The following FGF14 variants were observed in gnomAD, a reference collection of about 807,000 sequenced individuals.
FGF14 encodes the protein fibroblast growth factor 14, also known as fibroblast growth factor homologous factor 4.
A neutral mutation model predicts 25.5 loss-of-function variants in FGF14; 5 were observed. The ratio of observed to expected loss-of-function variants is 0.20; its 90% confidence interval spans 0.10 to 0.41. FGF14 has a LOEUF of 0.41. Ranked by LOEUF, FGF14 falls within the 10% of genes least tolerant of loss-of-function variation. The probability of loss-of-function intolerance (pLI) is 1.00; values close to 1 mark genes in which losing one functional copy is unlikely to be tolerated. For synonymous variants in FGF14, 138 were observed against 118.3 expected (o/e 1.17, Z -1.08); for missense variants, 222 against 320.1 (o/e 0.69, Z 2.34).
chr13:101,742,774 T>C (rs1043715931), intron 3 of FGF14, among the ~76,000 whole-genome samples: 1 of 152,056 alleles, frequency 6.6e-6, no homozygotes, highest in African/African-American at 2.4e-5. Flanking sequence ...CTAAATAAGA[T>C]AGTTACAAAG....
chr13:101,775,796 A>G (rs375508155), intron 3 of FGF14, among the ~76,000 whole-genome samples: 8 of 152,260 alleles, frequency 5.3e-5, no homozygotes, highest in East Asian at 1.9e-4. Context: ...TTCATTTGAT[A>G]TTAATAGTTA....
At chr13:102,292,902 T>C (rs1594754393) in intron 1 of FGF14, 1 of 152,214 alleles carries the variant, frequency 6.6e-6, no homozygotes, top group Admixed American at 6.5e-5. Context: ...CACAGCACTT[T>C]GTGCAGGAAC....
rs77082831 is a variant in FGF14 at position 101,726,738 on chromosome 13, A to T, written c.481T>A (p.Leu161Met). The T allele has an allele frequency of 1.2e-6, 2 of 1,613,192 alleles. No individual in the cohort carries two copies. Residue 161 changes from leucine to methionine, a missense_variant, in exon 4 of 5, where the codon TTG (leucine) becomes ATG (methionine). This residue lies in a region of FGF14 where 15 missense variants were observed against 55.7 expected (regional missense o/e 0.27). Transcript: ENST00000376143. ...ENYYVIYSSM[L>M]YRQQESGRAW... ...CTACCAGATTCCTGTTGTCTGTACA[A>T]CATGGATGAGTAGATTACATAATAA...
intron 1 of FGF14, among the ~76,000 whole-genome samples, chr13:102,355,007 G>A (rs2057382508): frequency 1.3e-5 from 2 of 152,054 alleles, no homozygotes; most frequent in Admixed American, 1.3e-4. Context: ...TACATATTTT[G>A]TAGCCCATTT....
upstream of FGF14, among the ~76,000 whole-genome samples, chr13:101,919,322 G>A (rs2139153753): frequency 6.6e-6 from 1 of 151,116 alleles, no homozygotes; most frequent in African/African-American, 2.4e-5. Flanking sequence ...TGCAGTGAGT[G>A]TTTCAAAAAA....
intron 1 of FGF14, among the ~76,000 whole-genome samples, chr13:102,076,169 C>A (rs2043354424): frequency 6.6e-6 from 1 of 152,166 alleles, no homozygotes; most frequent in Non-Finnish European, 1.5e-5. Context: ...TAGGCCTTCA[C>A]ATCCACTCAC....
At chr13:101,748,889 A>T (rs1462039564) in intron 3 of FGF14, among the ~76,000 whole-genome samples, 1 of 152,018 alleles carries the variant, frequency 6.6e-6, no homozygotes, top group Non-Finnish European at 1.5e-5. Context: ...ATTATTCACA[A>T]CATCTGAGAG....
intron 1 of FGF14, among the ~76,000 whole-genome samples, chr13:102,251,169 C>T (rs886086743): frequency 6.6e-6 from 1 of 152,156 alleles, no homozygotes; most frequent in Admixed American, 6.6e-5. Flanking sequence ...ATGAATGCTA[C>T]ATCAAATCAC....
chr13:102,215,617 T>C (rs1183844453), intron 1 of FGF14, among the ~76,000 whole-genome samples: 1 of 152,202 alleles, frequency 6.6e-6, no homozygotes, highest in Non-Finnish European at 1.5e-5. Flanking sequence ...CCTACCTTTA[T>C]GTCAGATCTG....
At chr13:102,374,015 T>C (rs575822433) in intron 1 of FGF14, among the ~76,000 whole-genome samples, 21 of 152,234 alleles carry the variant, frequency 1.4e-4, no homozygotes, top group Admixed American at 8.5e-4. Flanking sequence ...CAGAAGGAAC[T>C]CAAGCATTGG....
intron 1 of FGF14, among the ~76,000 whole-genome samples, chr13:101,982,719 A>G (rs1026517892): frequency 1.3e-5 from 2 of 152,226 alleles, no homozygotes; most frequent in African/African-American, 4.8e-5. Context: ...GTACCCTACG[A>G]AGATAGTTGA....
intron 1 of FGF14, among the ~76,000 whole-genome samples, chr13:102,092,386 G>C (rs188846935): frequency 6.6e-6 from 1 of 152,274 alleles, no homozygotes; most frequent in East Asian, 1.9e-4. Flanking sequence ...GACCAAAACT[G>C]TGCCCACATC....
chr13:102,293,956 G>A lies in FGF14; in HGVS notation c.208+107515C>T, dbSNP rs1249463170. ...TAATACACAAATTGAGTGCACAGAG[G>A]GGGAAAAATCATGCAACCTGTCATA... On this transcript the variant is annotated intron_variant, in intron 1 of 4. Transcript: ENST00000376131. The A allele has an allele frequency of 5.3e-5, 8 of 152,084 alleles. 1 individual carries two copies. The highest frequency in any genetic ancestry group is 5.2e-4 in the Admixed American group (8 of 15,258). The allele number at this position is 152,084 out of a possible 1,614,324, so 9.4% of individuals were successfully genotyped here. A position where few individuals can be genotyped will look rare whatever the true frequency, so the allele number is the denominator to read the frequency against.
At chr13:102,330,827 C>A (rs1431607166) in intron 1 of FGF14, among the ~76,000 whole-genome samples, 3 of 152,166 alleles carry the variant, frequency 2.0e-5, no homozygotes, top group Non-Finnish European at 4.4e-5. Flanking sequence ...TCTTCACTAT[C>A]TGTCTCCCCT....
At chr13:102,041,752 GAAGTGCT>G (rs1486396505) in intron 1 of FGF14, among the ~76,000 whole-genome samples, 1 of 152,114 alleles carries the variant, frequency 6.6e-6, no homozygotes, top group Non-Finnish European at 1.5e-5. Flanking sequence ...ATAAAAGCCA[GAAGTGCT>G]TCCTTATTTT....
chr13:102,329,944 C>G (rs1171741673), intron 1 of FGF14, among the ~76,000 whole-genome samples: 2 of 152,194 alleles, frequency 1.3e-5, no homozygotes, highest in Non-Finnish European at 2.9e-5. Flanking sequence ...AAATTTTCAC[C>G]AACTAATCTG....
At chr13:101,889,953 C>T (rs1194981462) in intron 1 of FGF14, among the ~76,000 whole-genome samples, 1 of 152,178 alleles carries the variant, frequency 6.6e-6, no homozygotes, top group African/African-American at 2.4e-5. Context: ...CAAGGCTTAG[C>T]TTAAATATCC....
intron 3 of FGF14, among the ~76,000 whole-genome samples, chr13:101,820,367 A>G (rs2042051964): frequency 6.6e-6 from 1 of 152,216 alleles, no homozygotes. Context: ...ATCATGGAAA[A>G]CAGATTAAAA....
chr13:102,045,140 G>C (rs1297225518), intron 1 of FGF14, among the ~76,000 whole-genome samples: 1 of 151,880 alleles, frequency 6.6e-6, no homozygotes, highest in Non-Finnish European at 1.5e-5. Flanking sequence ...TACATTATAG[G>C]GTGAAGTTTC....
Sources: gnomAD v4.1 joint callset for allele counts (sites outside exome capture counted in the v4.1 genomes callset) on GRCh38, gnomAD v4.1.1 for gene constraint, gnomAD v4.1.1 regional missense constraint, MANE v1.5 for transcripts, NCBI Gene and HGNC (gene_info 2026-07-23, HGNC 2026-07-21) for gene names.